The following LAMA2 variants were observed in gnomAD, a reference collection of about 807,000 sequenced individuals.
LAMA2 encodes laminin subunit alpha-2.
Under a neutral mutation model 364.8 loss-of-function variants are expected in LAMA2, and 269 were observed. The observed-to-expected ratio is 0.74, with a 90% confidence interval of 0.67 to 0.82. LAMA2 has a LOEUF of 0.82. Among genes scored for constraint, LAMA2 ranks in the 40% least tolerant of loss-of-function variants. The pLI is 0.00. For synonymous variants in LAMA2, 1,379 were observed against 1,370.6 expected, an observed-to-expected ratio of 1.01 and a Z score of -0.14; for missense variants, 3,807 against 3,873.2, an observed-to-expected ratio of 0.98 and a Z score of 0.45.
chr6:129,266,946 T>C (rs1055403340), intron 15 of LAMA2, among the ~76,000 whole-genome samples, 160 bp from the exon 16 acceptor site: 1 of 152,138 alleles, frequency 6.6e-6, no homozygotes, highest in Admixed American at 6.6e-5. Context: ...TCAGGAGGAA[T>C]AGCTCTGTTG....
intron 20 of LAMA2, among the ~76,000 whole-genome samples, 199 bp from the exon 21 acceptor site, chr6:129,297,486 G>C (rs1019564759): frequency 6.6e-6 from 1 of 152,098 alleles, no homozygotes; most frequent in East Asian, 1.9e-4. Flanking sequence ...TAAAATTTCA[G>C]AATAATTGAA....
intron 18 of LAMA2, among the ~76,000 whole-genome samples, chr6:129,282,893 TG>T (rs1788823422): frequency 6.6e-6 from 1 of 152,160 alleles, no homozygotes; most frequent in African/African-American, 2.4e-5. Context: ...CCTATGTCTC[TG>T]CCTTTTGCCC....
At chr6:128,933,650 G>A (rs1734178782) in intron 1 of LAMA2, among the ~76,000 whole-genome samples, 1 of 152,070 alleles carries the variant, frequency 6.6e-6, no homozygotes, top group Non-Finnish European at 1.5e-5. Flanking sequence ...CTGTGGTTTT[G>A]ATTTGTATTT....
At chr6:129,398,936 G>T (rs556388455) in intron 37 of LAMA2, among the ~76,000 whole-genome samples, 3 of 152,264 alleles carry the variant, frequency 2.0e-5, no homozygotes, top group Admixed American at 1.3e-4. Flanking sequence ...CTGGATGCAC[G>T]GGCTGATAAA....
At chr6:129,172,709 A>C (rs1307026575) in intron 9 of LAMA2, among the ~76,000 whole-genome samples, 3 of 152,180 alleles carry the variant, frequency 2.0e-5, no homozygotes, top group Non-Finnish European at 4.4e-5. Context: ...ACCCAGTTGG[A>C]GCTTCCCAGC....
intron 10 of LAMA2, among the ~76,000 whole-genome samples, chr6:129,178,965 T>C (rs953457271): frequency 1.3e-5 from 2 of 152,198 alleles, no homozygotes; most frequent in African/African-American, 4.8e-5. Context: ...ATAAAACTCC[T>C]GTGGACACAG....
At chr6:129,425,470 C>G (rs955366333) in intron 40 of LAMA2, among the ~76,000 whole-genome samples, 1 of 151,714 alleles carries the variant, frequency 6.6e-6, no homozygotes, top group Non-Finnish European at 1.5e-5. Flanking sequence ...GGTACATGTG[C>G]AGGTTTTTTA....
At position 129,393,209 on chromosome 6, in the gene LAMA2, C is replaced by T. The variant is rs769062038; in HGVS notation, c.5399C>T (p.Ala1800Val). The T allele has an allele frequency of 6.2e-7, 1 of 1,614,014 alleles. No individual in the cohort carries two copies. The highest frequency in any genetic ancestry group is 1.1e-5 in the South Asian group (1 of 91,072). Reference protein sequence around the residue: ...LREATDKIREANRLFAVNQKN... With the variant: ...LREATDKIREVNRLFAVNQKN... ...GAAGCCACAGATAAAATCAGAGAAG[C>T]TAATCGCCTATTTGCAGTAAATCAG... is the stretch of plus-strand genomic sequence containing the variant. Residue 1800 changes from alanine (A) to valine (V), a missense_variant, in exon 37 of 65, where the codon GCT becomes GTT. Transcript: ENST00000421865.
At chr6:129,060,467 CT>C (rs1336405693) in intron 3 of LAMA2, among the ~76,000 whole-genome samples, 2 of 152,246 alleles carry the variant, frequency 1.3e-5, no homozygotes, top group Non-Finnish European at 2.9e-5. Context: ...TGCTTAATCT[CT>C]TTCTTCCTTC....
chr6:129,203,454 T>G (rs767686227), intron 12 of LAMA2, among the ~76,000 whole-genome samples: 7 of 152,188 alleles, frequency 4.6e-5, no homozygotes, highest in Non-Finnish European at 1.0e-4. Context: ...AAACCTGGCA[T>G]TTTGTTTACT....
intron 1 of LAMA2, among the ~76,000 whole-genome samples, chr6:128,989,908 G>A (rs1014031489): frequency 4.6e-5 from 7 of 151,976 alleles, no homozygotes; most frequent in Admixed American, 1.3e-4. Context: ...CTGTAGCCTC[G>A]CATGATGAAA....
At position 129,313,036 on chromosome 6, in the gene LAMA2, C is replaced by T. The variant is rs749379475; in HGVS notation, c.3350C>T (p.Thr1117Ile). 1.9e-6 allele frequency: 3 copies of T among 1,613,986 alleles called. No homozygotes were observed. Among genetic ancestry groups the T allele is most frequent in the Non-Finnish European group, 1.7e-6 (2 of 1,179,970 alleles). The change falls in exon 23 of 65, where the codon ACC becomes ATC. Residue 1117 changes from threonine to isoleucine, a missense_variant. This residue lies in a region of LAMA2 where 3,333 missense variants were observed against 3,345.7 expected (regional missense o/e 1.00). Transcript: ENST00000421865. The part of the protein sequence containing the change: ...DCFLPGTDAT[T>I]CDSETKKCSC... ...TTCCTCCCTGGGACAGATGCCACAA[C>T]CTGTGATTCAGAGACTAAAAAATGC...
chr6:129,474,718 TA>T (rs1406420655), intron 52 of LAMA2, among the ~76,000 whole-genome samples: 1 of 152,196 alleles, frequency 6.6e-6, no homozygotes, highest in Non-Finnish European at 1.5e-5. Context: ...TATCATAAAA[TA>T]ATTTTTAGGA....
chr6:129,390,667 G>C (rs1028866135), intron 35 of LAMA2, among the ~76,000 whole-genome samples: 2 of 152,030 alleles, frequency 1.3e-5, no homozygotes, highest in Non-Finnish European at 2.9e-5. Context: ...GGAAACTTTA[G>C]TCTAAAACTA....
intron 9 of LAMA2, among the ~76,000 whole-genome samples, chr6:129,173,929 A>G (rs1780388275): frequency 6.6e-6 from 1 of 152,132 alleles, no homozygotes; most frequent in Non-Finnish European, 1.5e-5. Context: ...GTAGATTTGT[A>G]AGAGCACTTT....
intron 12 of LAMA2, among the ~76,000 whole-genome samples, chr6:129,228,030 C>T (rs576950540): frequency 6.6e-5 from 10 of 152,230 alleles, no homozygotes; most frequent in South Asian, 4.2e-4. Flanking sequence ...TCGGCAATGG[C>T]GGGCGCCCCT....
At chr6:128,987,410 G>T (rs2114652324) in intron 1 of LAMA2, among the ~76,000 whole-genome samples, 1 of 152,094 alleles carries the variant, frequency 6.6e-6, no homozygotes, top group African/African-American at 2.4e-5. Context: ...CAAACTGCTG[G>T]GATTACAGTT....
rs193292430 is a variant in LAMA2, at chr6:129,391,508, A to G, written c.5089A>G (p.Ile1697Val). 2 of 1,613,874 alleles carry G rather than the reference A, an allele frequency of 1.2e-6. No homozygotes were observed. Among genetic ancestry groups the G allele is most frequent in the African/African-American group, 1.3e-5 (1 of 75,048 alleles). Reference protein sequence around the residue: ...RDAEAVNEKAIKLNETLGTRD... With the variant: ...RDAEAVNEKAVKLNETLGTRD... ...CCCTGCAGCTGTAAATGAAAAAGCT[A>G]TAAAACTAAATGAAACTCTAGGAAC... The change falls in exon 36 of 65, where the codon ATA becomes GTA. Residue 1697 changes from isoleucine (I) to valine (V), a missense_variant. By Grantham distance (29) the Ile-to-Val change is conservative. Coordinates refer to ENST00000421865, the MANE Select transcript of LAMA2 (RefSeq NM_000426.4).
At chr6:129,242,269 T>G (rs1785440717) in intron 12 of LAMA2, among the ~76,000 whole-genome samples, 1 of 152,162 alleles carries the variant, frequency 6.6e-6, no homozygotes, top group Non-Finnish European at 1.5e-5. Context: ...AAGCAGTAAG[T>G]GAAAGGTTAA....
Sources: allele counts gnomAD v4.1 joint callset (sites outside exome capture counted in the v4.1 genomes callset), GRCh38; gene constraint gnomAD v4.1.1; regional missense constraint gnomAD v4.1.1; transcripts MANE v1.5; gene names NCBI Gene and HGNC (gene_info 2026-07-23, HGNC 2026-07-21).